The following MATN2 variants were observed in gnomAD, a reference collection of about 807,000 sequenced individuals.
The protein encoded by MATN2 is matrilin 2, also known as matrilin-2.
In MATN2, 69 loss-of-function variants were observed where a neutral mutation model predicts 103.2. That is an observed-to-expected ratio of 0.67 (90% CI 0.55 to 0.82). MATN2 has a LOEUF of 0.82. Among genes scored for constraint, MATN2 ranks in the 40% least tolerant of loss-of-function variants. MATN2 has a pLI of 0.00. For missense variants in MATN2, 1,023 were observed against 1,211.5 expected (o/e 0.84, Z 2.31); for synonymous variants, 429 against 450.2 (o/e 0.95, Z 0.60).
chr8:97,945,630 T>C (rs2130197602), intron 4 of MATN2, among the ~76,000 whole-genome samples: 1 of 151,096 alleles, frequency 6.6e-6, no homozygotes. Flanking sequence ...GCTGTGGTAC[T>C]GTCATCACAC....
At chr8:97,911,819 T>TGCCA (rs1809452271) in intron 2 of MATN2, among the ~76,000 whole-genome samples, 1 of 152,238 alleles carries the variant, frequency 6.6e-6, no homozygotes, top group African/African-American at 2.4e-5. Flanking sequence ...TTCTCTGCTA[T>TGCCA]GCCACATTGC....
intron 6 of MATN2, among the ~76,000 whole-genome samples, chr8:97,990,959 G>A (rs1231569909): frequency 6.6e-6 from 1 of 152,168 alleles, no homozygotes; most frequent in Admixed American, 6.5e-5. Flanking sequence ...GGATACATAT[G>A]CAAAATGCAT....
At chr8:97,981,433 TA>T (rs34996386) in intron 6 of MATN2, among the ~76,000 whole-genome samples, 26,988 of 151,934 alleles carry the variant, frequency 0.18, 4,760 homozygotes, top group African/African-American at 0.46. Context: ...AATGAGTATT[TA>T]ACTGTGCATA....
chr8:98,033,109 A>T lies in MATN2; in HGVS notation c.2649A>T (p.Arg883Ser). The T allele has an allele frequency of 1.2e-6, 2 of 1,611,870 alleles. No individual in the cohort carries two copies. The highest frequency in any genetic ancestry group is 2.2e-5 in the East Asian group (1 of 44,838). The change falls in exon 17 of 19, where the codon AGA (arginine) becomes AGT (serine). Residue 883 changes from arginine to serine, a missense_variant. By Grantham distance (110) the Arg-to-Ser change is moderately radical. Coordinates refer to ENST00000254898, the MANE Select transcript of MATN2 (RefSeq NM_002380.5). ...LSCSNFAVQH[R>S]YLFEEDNLLR... ...GTTCTAATTTTGCAGTGCAACACAG[A>T]TATCTGTTTGAAGAAGACAATCTTT...
At chr8:97,906,332 G>T (rs1349297042) in intron 2 of MATN2, among the ~76,000 whole-genome samples, 1 of 152,194 alleles carries the variant, frequency 6.6e-6, no homozygotes, top group African/African-American at 2.4e-5. Context: ...ACAAATAAAG[G>T]TTAGGAAGCT....
In MATN2 at chr8:98,027,558, G is replaced by A. The variant is rs1396457149; in HGVS notation, c.2085G>A (p.Gly695=). The A allele has an allele frequency of 1.2e-5, 19 of 1,613,878 alleles. No individual in the cohort carries two copies. The highest frequency in any genetic ancestry group is 1.6e-5 in the Non-Finnish European group (19 of 1,179,866). Residue 695 remains glycine (G), a synonymous_variant, in exon 14 of 19, where the codon GGG becomes GGA. Coordinates refer to ENST00000254898, the MANE Select transcript of MATN2 (RefSeq NM_002380.5). ...TTTCCCCCAAAGCCGCTCGAGTGGG[G>A]CTGCTCCAGTATTCCACACAGGTCC... ...LTISPKAARV[G]LLQYSTQVHT... is the part of the protein sequence containing the mutation.
At chr8:98,028,592 GCTT>G (rs1320826018) in intron 14 of MATN2, among the ~76,000 whole-genome samples, 1 of 151,132 alleles carries the variant, frequency 6.6e-6, no homozygotes, top group African/African-American at 2.5e-5. Context: ...CTTGAAAACT[GCTT>G]TTTTTTTTTG....
intron 10 of MATN2, among the ~76,000 whole-genome samples, chr8:98,012,225 G>A (rs1813191526): frequency 6.6e-6 from 1 of 151,922 alleles, no homozygotes; most frequent in South Asian, 2.1e-4. Context: ...GGGGTGCTGG[G>A]GATCTCTGGG....
chr8:97,922,856 A>G (rs1586417881), intron 2 of MATN2, among the ~76,000 whole-genome samples: 1 of 152,130 alleles, frequency 6.6e-6, no homozygotes, highest in African/African-American at 2.4e-5. Flanking sequence ...AGCACACTGT[A>G]TCTTTTTGGT....
intron 13 of MATN2, among the ~76,000 whole-genome samples, chr8:98,026,842 C>T (rs1813825492): frequency 6.6e-6 from 1 of 152,178 alleles, no homozygotes; most frequent in Admixed American, 6.5e-5. Flanking sequence ...GTGTCTTGGT[C>T]ACTATTGCAA....
intron 6 of MATN2, among the ~76,000 whole-genome samples, chr8:97,981,062 C>T (rs987288602): frequency 2.6e-5 from 4 of 151,280 alleles, no homozygotes; most frequent in Non-Finnish European, 5.9e-5. Flanking sequence ...AGTGTCTGTA[C>T]TCCCAGCTAC....
Position 97,941,831 on chromosome 8 carries a change from T to C in MATN2, c.767T>C (p.Ile256Thr). The C allele has an allele frequency of 6.2e-7, 1 of 1,613,024 alleles. No homozygotes were observed. Among genetic ancestry groups the C allele is most frequent in the Non-Finnish European group, 8.5e-7 (1 of 1,179,416 alleles). ...EHNCAHFCIN[I>T]PGSYVCRCKQ... ...AACTGTGCCCACTTCTGCATCAACA[T>C]CCCTGGCTCATACGTCTGCAGGTGC... The change falls in exon 4 of 19, where the codon ATC becomes ACC. Residue 256 changes from isoleucine to threonine, a missense_variant. Ile to Thr is a moderately conservative substitution (Grantham distance 89). Transcript: ENST00000254898.
At chr8:97,998,446 T>C (rs1305149271) in intron 7 of MATN2, among the ~76,000 whole-genome samples, 8 of 141,204 alleles carry the variant, frequency 5.7e-5, no homozygotes, top group Admixed American at 3.0e-4. Flanking sequence ...GGCGTGAACC[T>C]GGGAGGCGGA....
chr8:97,875,195 T>A (rs961094195), intron 1 of MATN2, among the ~76,000 whole-genome samples: 1 of 152,222 alleles, frequency 6.6e-6, no homozygotes, highest in Admixed American at 6.5e-5. Context: ...TTATTCTGCC[T>A]GCCACAGGAC....
At chr8:98,014,101 G>C (rs562839803) in intron 10 of MATN2, among the ~76,000 whole-genome samples, 1 of 152,076 alleles carries the variant, frequency 6.6e-6, no homozygotes, top group East Asian at 1.9e-4. Flanking sequence ...GAGCAAGCCT[G>C]TGTCTCAAAA....
At chr8:98,011,623 C>T (rs1813163283) in intron 10 of MATN2, among the ~76,000 whole-genome samples, 1 of 152,216 alleles carries the variant, frequency 6.6e-6, no homozygotes, top group Non-Finnish European at 1.5e-5. Flanking sequence ...AAAGGATTGG[C>T]TGCTGCTAGT....
intron 3 of MATN2, among the ~76,000 whole-genome samples, chr8:97,938,592 G>A (rs189911448): frequency 7.9e-5 from 12 of 152,240 alleles, no homozygotes; most frequent in Admixed American, 5.9e-4. Flanking sequence ...AATAAAATGA[G>A]GAAAGTCATA....
At chr8:97,991,583 G>A (rs1470666509) in intron 6 of MATN2, among the ~76,000 whole-genome samples, 2 of 152,154 alleles carry the variant, frequency 1.3e-5, no homozygotes, top group Non-Finnish European at 2.9e-5. Flanking sequence ...TTAGCTGGGT[G>A]TGGTGGTGTG....
chr8:97,935,991 A>G (rs968024775), intron 3 of MATN2, among the ~76,000 whole-genome samples: 57 of 152,158 alleles, frequency 3.7e-4, no homozygotes, highest in African/African-American at 1.3e-3. Flanking sequence ...GTCTGGCTGT[A>G]CAATCTTGAG....
Sources: allele counts gnomAD v4.1 joint callset (sites outside exome capture counted in the v4.1 genomes callset), GRCh38; gene constraint gnomAD v4.1.1; transcripts MANE v1.5; gene names NCBI Gene and HGNC (gene_info 2026-07-23, HGNC 2026-07-21).